The following VPS13C variants were observed in gnomAD, a reference collection of about 807,000 sequenced individuals.
The protein encoded by VPS13C is vacuolar protein sorting 13 homolog C.
A neutral mutation model predicts 456.8 loss-of-function variants in VPS13C; 358 were observed. That is an observed-to-expected ratio of 0.78 (90% CI 0.72 to 0.86). The LOEUF (loss-of-function observed/expected upper bound fraction) is 0.86. Among genes scored for constraint, VPS13C ranks in the 40% least tolerant of loss-of-function variants. VPS13C has a pLI of 0.00. For missense variants in VPS13C, 4,818 were observed against 4,385.4 expected, an observed-to-expected ratio of 1.10 and a Z score of -2.79; for synonymous variants, 1,578 against 1,486.7, an observed-to-expected ratio of 1.06 and a Z score of -1.41.
At chr15:61,855,830 G>A (rs1893874322) in intron 83 of VPS13C, among the ~76,000 whole-genome samples, 1 of 152,048 alleles carries the variant, frequency 6.6e-6, no homozygotes, top group South Asian at 2.1e-4. Context: ...AAAAGACAGA[G>A]TATCACTTTT....
At chr15:61,923,174 T>C (rs912579773) in intron 53 of VPS13C, among the ~76,000 whole-genome samples, 1 of 140,952 alleles carries the variant, frequency 7.1e-6, no homozygotes, top group Non-Finnish European at 1.5e-5. Flanking sequence ...CTTGTCAAGA[T>C]ACACATAAAT....
At position 61,881,045 on chromosome 15, in the gene VPS13C, T is replaced by C. The variant is rs557282840; in HGVS notation, c.9777-91A>G. On this transcript the variant is annotated intron_variant, in intron 71 of 84. Coordinates refer to ENST00000644861, the MANE Select transcript of VPS13C (RefSeq NM_020821.3). The stretch of plus-strand genomic sequence containing the variant: ...TTTGATTTCAGTGAAAAGCCACAGT[T>C]ATATCTTGTTCCTTCATCTCCTAAA... 8.3e-5 allele frequency: 85 copies of C among 1,021,200 alleles called. 1 individual carries two copies. The South Asian group carries it at 1.5e-3, about 18-fold the overall frequency. The allele number at this position is 1,021,200 out of a possible 1,614,324, so 63.3% of individuals were successfully genotyped here. A position where few individuals can be genotyped will look rare whatever the true frequency, so the allele number is the denominator to read the frequency against.
intron 37 of VPS13C, among the ~76,000 whole-genome samples, 196 bp downstream of exon 37, chr15:61,958,412 T>C (rs923247537): frequency 6.6e-6 from 1 of 152,100 alleles, no homozygotes; most frequent in African/African-American, 2.4e-5. Flanking sequence ...AGTCCAAAAC[T>C]ATAACTGACA....
At position 61,854,511 on chromosome 15, in the gene VPS13C, T is replaced by C; in HGVS notation, c.11208A>G (p.Gln3736=). Residue 3736 remains glutamine, a synonymous_variant, in exon 85 of 85, where the codon CAA becomes CAG. Transcript: ENST00000644861. Reference sequence around the variant, plus strand: ...TCACTGATGACTGCTTCATCAATTTTTGCTGCTGTCTCGTTGACTGTGCAT... The same window carrying C: ...TCACTGATGACTGCTTCATCAATTTCTGCTGCTGTCTCGTTGACTGTGCAT... ...IEDAQSTRQQ[Q]KLMKQSSVRL... is the part of the protein sequence containing the mutation. 1 of 1,614,178 alleles carries C rather than the reference T, an allele frequency of 6.2e-7. No individual in the cohort carries two copies. The highest frequency in any genetic ancestry group is 8.5e-7 in the Non-Finnish European group (1 of 1,180,012).
chr15:61,854,654 A>G (rs1893810090), intron 84 of VPS13C, 96 bp from the exon 85 acceptor site: 1 of 1,274,248 alleles, frequency 7.8e-7, no homozygotes, highest in East Asian at 2.3e-5. Context: ...AGCTCTCCAA[A>G]CAGGACCAAC....
rs767796084 is a variant in VPS13C at position 61,946,422 on chromosome 15, A to G, written c.4877-12T>C. The G allele has an allele frequency of 1.3e-6, 2 of 1,578,026 alleles. No individual in the cohort carries two copies. Among genetic ancestry groups the G allele is most frequent in the Non-Finnish European group, 1.7e-6 (2 of 1,164,010 alleles). ...AGAGGCATCCATTCCTATAGGAAAC[A>G]TAACATTTATAAACTTTTCACCCAA... On this transcript the variant is annotated splice_polypyrimidine_tract_variant and intron_variant, in intron 43 of 84. Transcript: ENST00000644861.
chr15:62,014,091 A>T, intron 9 of VPS13C, 99 bp from the exon 10 acceptor site: 1 of 772,672 alleles, frequency 1.3e-6, no homozygotes, highest in Admixed American at 2.6e-5. Context: ...GGAAGAAATG[A>T]CATCTACTTA....
At chr15:61,864,172 T>TTA (rs1894381657) in intron 81 of VPS13C, 4 of 316,716 alleles carry the variant, frequency 1.3e-5, no homozygotes, top group Non-Finnish European at 1.8e-5. Context: ...GGAAGTATAT[T>TTA]TATATATCAA....
At chr15:62,041,194 G>C (rs1303010168) in intron 3 of VPS13C, 130 bp downstream of exon 3, 2 of 804,362 alleles carry the variant, frequency 2.5e-6, no homozygotes, top group East Asian at 2.8e-5. Flanking sequence ...AGAACTCTAC[G>C]AGCTCTAATT....
chr15:61,966,243 T>G, intron 29 of VPS13C, 101 bp from the exon 30 acceptor site: 1 of 704,302 alleles, frequency 1.4e-6, no homozygotes, highest in Non-Finnish European at 2.3e-6. Context: ...TATAAATGTA[T>G]TTTATATACA....
intron 9 of VPS13C, among the ~76,000 whole-genome samples, chr15:62,016,568 AG>A (rs2047258016): frequency 6.6e-6 from 1 of 151,832 alleles, no homozygotes; most frequent in African/African-American, 2.4e-5. Flanking sequence ...GATGGTTTCC[AG>A]CTTCATCCAT....
At chr15:61,857,267 C>A (rs1893969614) in intron 82 of VPS13C, among the ~76,000 whole-genome samples, 1 of 152,054 alleles carries the variant, frequency 6.6e-6, no homozygotes, top group South Asian at 2.1e-4. Context: ...TAGACAAGTG[C>A]TGTAACAGAG....
At chr15:61,905,388 G>T (rs1199451471) in intron 66 of VPS13C, among the ~76,000 whole-genome samples, 1 of 152,042 alleles carries the variant, frequency 6.6e-6, no homozygotes, top group Non-Finnish European at 1.5e-5. Flanking sequence ...CAGAAGTCTT[G>T]TAAAAAACTT....
Position 61,982,461 on chromosome 15 carries a change from G to A in VPS13C, c.2027C>T (p.Thr676Ile). 1 of 1,606,134 alleles carries A rather than the reference G, an allele frequency of 6.2e-7. No homozygotes were observed. The highest frequency in any genetic ancestry group is 1.1e-5 in the South Asian group (1 of 89,344). ...KLEEIKERTATGLTHIIETRK... is the reference protein window; with the variant it reads ...KLEEIKERTAIGLTHIIETRK... The stretch of plus-strand genomic sequence containing the variant: ...ATGTAGACACTCAAATTCTTCACCT[G>A]TAGCTGTTCTCTCCTTAATTTCTTC... The change falls in exon 21 of 85, where the codon ACA (threonine) becomes ATA (isoleucine). Residue 676 changes from threonine (T) to isoleucine (I), a missense_variant and splice_region_variant. Coordinates refer to ENST00000644861, the MANE Select transcript of VPS13C (RefSeq NM_020821.3).
chr15:61,954,315 A>G, intron 38 of VPS13C, 106 bp downstream of exon 38: 3 of 1,270,130 alleles, frequency 2.4e-6, no homozygotes, highest in Non-Finnish European at 3.3e-6. Context: ...AACAGCCCAC[A>G]TAGATTTTTT....
At chr15:62,010,369 C>CA in intron 13 of VPS13C, 103 bp downstream of exon 13, 1 of 1,279,504 alleles carries the variant, frequency 7.8e-7, no homozygotes, top group Non-Finnish European at 1.0e-6. Flanking sequence ...CTCAACATAA[C>CA]AAACCCCAAA....
In VPS13C at chr15:61,983,824, T is replaced by C. The variant is rs768562748; in HGVS notation, c.1910A>G (p.Asp637Gly). 3 of 1,613,686 alleles carry C rather than the reference T, an allele frequency of 1.9e-6. No homozygotes were observed. The highest frequency in any genetic ancestry group is 1.1e-5 in the South Asian group (1 of 90,830). ...TTACTTTCTCCTTGCACTTACAGCA[T>C]CATAGATGACCTCCACAGGCTGGGA... The part of the protein sequence containing the change: ...VQSQPVEVIY[D>G]AKTVNAVVEF... The change falls in exon 20 of 85, where the codon GAT (aspartate) becomes GGT (glycine). Residue 637 changes from aspartate (D) to glycine (G), a missense_variant. Asp to Gly is a moderately conservative substitution (Grantham distance 94). Transcript: ENST00000644861.
chr15:61,972,546 C>T, intron 27 of VPS13C, 79 bp downstream of exon 27: 2 of 1,489,892 alleles, frequency 1.3e-6, no homozygotes, highest in Admixed American at 1.9e-5. Context: ...ATATACTTGA[C>T]ATTTGGGTCT....
rs532257591 is a variant in VPS13C at position 61,989,259 on chromosome 15, G to A, written c.1578+1741C>T. 5.3e-5 allele frequency among the ~76,000 whole-genome samples: 8 copies of A among 151,862 alleles called. 1 individual carries two copies. In the South Asian group the frequency reaches 1.7e-3, roughly 32 times the overall value. ...AAAAAAAATACAAAAAATTAGCTGGGCATGGTGGCACATGCCTGTAATTCC... is the reference window on the plus strand; with the variant it reads ...AAAAAAAATACAAAAAATTAGCTGGACATGGTGGCACATGCCTGTAATTCC... On this transcript the variant is annotated intron_variant, in intron 18 of 84. Transcript: ENST00000644861.
Sources: gnomAD v4.1 joint callset for allele counts (sites outside exome capture counted in the v4.1 genomes callset) on GRCh38, gnomAD v4.1.1 for gene constraint, MANE v1.5 for transcripts, NCBI Gene and HGNC (gene_info 2026-07-23, HGNC 2026-07-21) for gene names.